Variants in TENM2 observed in about 807,000 individuals in gnomAD.
The protein encoded by TENM2 is teneurin transmembrane protein 2.
TENM2 carries 52 observed loss-of-function variants against 245.2 expected under a neutral mutation model. The ratio of observed to expected loss-of-function variants is 0.21; its 90% CI spans 0.17 to 0.27. The LOEUF (loss-of-function observed/expected upper bound fraction) is 0.27. Ranked by LOEUF, TENM2 falls within the 10% of genes least tolerant of loss-of-function variation. The pLI is 1.00. For missense variants in TENM2, 3,046 were observed against 3,666.8 expected (o/e 0.83, Z 4.37); for synonymous variants, 1,363 against 1,438.9 (o/e 0.95, Z 1.19).
chr5:167,507,651 T>C (rs1393362795), intron 2 of TENM2, among the ~76,000 whole-genome samples: 2 of 152,132 alleles, frequency 1.3e-5, no homozygotes, highest in Non-Finnish European at 1.5e-5. Flanking sequence ...TTCAACCCTG[T>C]CAAACTGTAT....
chr5:167,816,227 G>T (rs1470220230), intron 2 of TENM2, among the ~76,000 whole-genome samples: 2 of 152,078 alleles, frequency 1.3e-5, no homozygotes, highest in Non-Finnish European at 1.5e-5. Context: ...GGAACATGGA[G>T]CCACATTCTA....
At chr5:167,683,378 C>T (rs1295028021) in intron 2 of TENM2, among the ~76,000 whole-genome samples, 1 of 152,050 alleles carries the variant, frequency 6.6e-6, no homozygotes, top group Non-Finnish European at 1.5e-5. Context: ...TGTCATCCTT[C>T]CCCCGGTTGC....
At chr5:168,235,025 G>A (rs1381540808) in intron 25 of TENM2, among the ~76,000 whole-genome samples, 1 of 152,172 alleles carries the variant, frequency 6.6e-6, no homozygotes, top group Admixed American at 6.5e-5. Context: ...ACAGAGGAGG[G>A]AGGTGGGGGG....
intron 4 of TENM2, among the ~76,000 whole-genome samples, chr5:167,966,788 T>C (rs1040421039): frequency 6.6e-6 from 1 of 152,236 alleles, no homozygotes; most frequent in Middle Eastern, 3.2e-3. Context: ...TGTTTGTTTT[T>C]TAATGTTTTC....
At chr5:167,234,304 A>G in the TENM2 span, among the ~76,000 whole-genome samples, 1 of 152,020 alleles carries the variant, frequency 6.6e-6, no homozygotes, top group African/African-American at 2.4e-5. Flanking sequence ...CTCATCCTTC[A>G]TGTTTTACTC....
At chr5:167,524,955 A>G (rs915383379) in intron 2 of TENM2, among the ~76,000 whole-genome samples, 20 of 151,882 alleles carry the variant, frequency 1.3e-4, no homozygotes, top group Non-Finnish European at 2.5e-4. Context: ...AGTGGTGCCC[A>G]CGGTTACTCT....
intron 2 of TENM2, among the ~76,000 whole-genome samples, chr5:167,680,344 G>A (rs1443623802): frequency 6.6e-6 from 1 of 152,018 alleles, no homozygotes; most frequent in Non-Finnish European, 1.5e-5. Context: ...AAGAGTTGGG[G>A]GAAAGGTTTC....
intron 2 of TENM2, among the ~76,000 whole-genome samples, chr5:167,698,933 C>T (rs967361701): frequency 6.6e-5 from 10 of 151,956 alleles, no homozygotes; most frequent in East Asian, 1.9e-4. Flanking sequence ...CTGCCTGCCT[C>T]GGCCTCCCTG....
At chr5:167,887,109 C>T (rs1561898086) in intron 3 of TENM2, among the ~76,000 whole-genome samples, 4 of 152,230 alleles carry the variant, frequency 2.6e-5, no homozygotes, top group Admixed American at 1.3e-4. Flanking sequence ...TTCCTCAGAG[C>T]TTTCCCAACC....
chr5:168,158,393 C>G (rs538193091), intron 12 of TENM2, among the ~76,000 whole-genome samples: 1 of 152,012 alleles, frequency 6.6e-6, no homozygotes, highest in East Asian at 1.9e-4. Flanking sequence ...AGATATAGTA[C>G]GCCCCGATTG....
the TENM2 span, among the ~76,000 whole-genome samples, chr5:167,076,860 ACAG>A: frequency 1.4e-3 from 215 of 151,904 alleles, 1 homozygote; most frequent in Admixed American, 2.4e-3. Flanking sequence ...TCTTTTTTTG[ACAG>A]AGTCTCGCCC....
chr5:168,204,331 A>T (rs1189404995), intron 18 of TENM2, 41 bp from the exon 21 acceptor site: 1 of 1,594,558 alleles, frequency 6.3e-7, no homozygotes, highest in Non-Finnish European at 8.6e-7. Flanking sequence ...TGTCTTCCCC[A>T]GAGGGCTTCA....
chr5:167,083,142 C>A, the TENM2 span, among the ~76,000 whole-genome samples: 1 of 152,110 alleles, frequency 6.6e-6, no homozygotes, highest in Non-Finnish European at 1.5e-5. Flanking sequence ...GAAAGCAGTG[C>A]AAATGTGTGA....
At chr5:167,060,049 A>G in the TENM2 span, among the ~76,000 whole-genome samples, 1 of 152,164 alleles carries the variant, frequency 6.6e-6, no homozygotes, top group African/African-American at 2.4e-5. Flanking sequence ...AACTTGTTTT[A>G]ATTCATAAAT....
intron 2 of TENM2, among the ~76,000 whole-genome samples, chr5:167,644,882 G>T (rs762847969): frequency 1.5e-4 from 23 of 152,138 alleles, no homozygotes; most frequent in Admixed American, 1.3e-3. Flanking sequence ...GTCATTTGGT[G>T]ATTTCATCAT....
chr5:167,800,239 G>C (rs975548297), intron 2 of TENM2, among the ~76,000 whole-genome samples: 1 of 152,170 alleles, frequency 6.6e-6, no homozygotes, highest in African/African-American at 2.4e-5. Flanking sequence ...CCTGGTTCCT[G>C]TTAGAGGCAA....
intron 2 of TENM2, among the ~76,000 whole-genome samples, chr5:167,581,094 G>T (rs928279968): frequency 6.6e-6 from 1 of 152,110 alleles, no homozygotes; most frequent in African/African-American, 2.4e-5. Context: ...GGTTATATCT[G>T]GCACTTTGTA....
chr5:167,001,188 A>T, the TENM2 span, among the ~76,000 whole-genome samples: 9 of 152,178 alleles, frequency 5.9e-5, no homozygotes, highest in Non-Finnish European at 1.2e-4. Flanking sequence ...TTATAGGTGT[A>T]CATTGGCAAT....
chr5:166,989,138 C>T, the TENM2 span, among the ~76,000 whole-genome samples: 11 of 151,596 alleles, frequency 7.3e-5, no homozygotes, highest in East Asian at 1.9e-4. Context: ...GGTGCAATCT[C>T]GATTCACTGC....
Sources: allele counts gnomAD v4.1 joint callset (sites outside exome capture counted in the v4.1 genomes callset), GRCh38; gene constraint gnomAD v4.1.1; transcripts MANE v1.5; gene names NCBI Gene and HGNC (gene_info 2026-07-23, HGNC 2026-07-21).